The following GALNT13 variants were observed in gnomAD, a reference collection of about 807,000 sequenced individuals.
The protein encoded by GALNT13 is UDP-GalNAc:polypeptide N-acetylgalactosaminyltransferase 13.
Under a neutral mutation model 64.2 loss-of-function variants are expected in GALNT13, and 28 were observed. The observed-to-expected ratio is 0.44, with a 90% confidence interval of 0.32 to 0.60. The LOEUF is 0.60. Among genes scored for constraint, GALNT13 ranks in the 20% least tolerant of loss-of-function variants. The pLI is 0.05. For missense variants in GALNT13, 577 were observed against 669.8 expected (o/e 0.86, Z 1.53); for synonymous variants, 214 against 224.6 (o/e 0.95, Z 0.42).
the GALNT13 span, among the ~76,000 whole-genome samples, chr2:153,316,639 C>CAAAA: frequency 8.6e-5 from 6 of 69,840 alleles, no homozygotes; most frequent in Admixed American, 1.8e-4. Context: ...GACTCCGTCT[C>CAAAA]AAAAAAAAAA....
the GALNT13 span, among the ~76,000 whole-genome samples, chr2:153,384,837 A>G: frequency 6.6e-5 from 10 of 151,954 alleles, no homozygotes; most frequent in Non-Finnish European, 1.2e-4. Context: ...TAAATATACA[A>G]TTTAGGCACA....
At chr2:153,458,006 C>G in the GALNT13 span, among the ~76,000 whole-genome samples, 1 of 152,092 alleles carries the variant, frequency 6.6e-6, no homozygotes, top group African/African-American at 2.4e-5. Context: ...AAACATTGTT[C>G]AATTACAAAC....
At chr2:154,043,263 G>A (rs1363740467) in intron 3 of GALNT13, among the ~76,000 whole-genome samples, 2 of 151,528 alleles carry the variant, frequency 1.3e-5, no homozygotes, top group South Asian at 4.2e-4. Context: ...ATATCGGAAA[G>A]CAAAATGTAT....
At chr2:154,390,980 C>T in intron 9 of GALNT13, among the ~76,000 whole-genome samples, 1 of 152,214 alleles carries the variant, frequency 6.6e-6, no homozygotes, top group South Asian at 2.1e-4. Context: ...AGAAAAGTCC[C>T]TTGTACAGAG....
At chr2:153,528,195 T>C in the GALNT13 span, among the ~76,000 whole-genome samples, 3 of 151,596 alleles carry the variant, frequency 2.0e-5, no homozygotes, top group Non-Finnish European at 4.4e-5. Context: ...ACCTCATCTA[T>C]AAAAAACATA....
chr2:154,095,145 T>C lies in GALNT13; in HGVS notation c.143-45192T>C, dbSNP rs995609697. On this transcript the variant is annotated intron_variant, in intron 3 of 12. Transcript: ENST00000392825. ...AATTCCTACTGCAAATATCCATGGCTTAATAAATCTGGCATGTATTGTTCA... is the reference window on the plus strand; with the variant it reads ...AATTCCTACTGCAAATATCCATGGCCTAATAAATCTGGCATGTATTGTTCA... Among the ~76,000 whole-genome samples the C allele has an allele frequency of 5.9e-5, 9 of 152,024 alleles. No homozygotes were observed. The South Asian group carries it at 1.9e-3, about 32-fold the overall frequency.
the GALNT13 span, among the ~76,000 whole-genome samples, chr2:153,454,930 AT>A: frequency 2.0e-5 from 3 of 152,234 alleles, no homozygotes; most frequent in Non-Finnish European, 4.4e-5. Flanking sequence ...ATATGTATAT[AT>A]TTTTATATGT....
At chr2:153,191,841 G>T in the GALNT13 span, among the ~76,000 whole-genome samples, 1 of 151,668 alleles carries the variant, frequency 6.6e-6, no homozygotes, top group South Asian at 2.1e-4. Context: ...TTTCCAGTTT[G>T]TTAGTGTATA....
the GALNT13 span, among the ~76,000 whole-genome samples, chr2:153,232,669 A>C: frequency 0.83 from 126,328 of 152,202 alleles, 53,535 homozygotes; most frequent in African/African-American, 0.9. Context: ...GAAGGTAGTA[A>C]CTGAGGGGAC....
the GALNT13 span, among the ~76,000 whole-genome samples, chr2:153,348,352 A>C: frequency 6.6e-6 from 1 of 152,198 alleles, no homozygotes; most frequent in African/African-American, 2.4e-5. Flanking sequence ...AGGGAGATGC[A>C]GGGAAGTGGA....
At chr2:154,191,217 G>A (rs1008557889) in intron 4 of GALNT13, among the ~76,000 whole-genome samples, 5 of 152,144 alleles carry the variant, frequency 3.3e-5, no homozygotes, top group Non-Finnish European at 5.9e-5. Flanking sequence ...TTTATGCAAT[G>A]GGAAAAGTCA....
chr2:153,415,351 C>T, the GALNT13 span, among the ~76,000 whole-genome samples: 2 of 152,128 alleles, frequency 1.3e-5, no homozygotes, highest in Non-Finnish European at 1.5e-5. Flanking sequence ...GCCTGAACCA[C>T]GGTCACATAG....
At chr2:154,045,623 G>A (rs570774559) in intron 3 of GALNT13, among the ~76,000 whole-genome samples, 1 of 152,294 alleles carries the variant, frequency 6.6e-6, no homozygotes, top group African/African-American at 2.4e-5. Context: ...TGGGAGAAAA[G>A]CATGTCCTGT....
At chr2:154,168,959 G>A (rs1573797317) in intron 4 of GALNT13, among the ~76,000 whole-genome samples, 1 of 152,164 alleles carries the variant, frequency 6.6e-6, no homozygotes, top group Admixed American at 6.5e-5. Flanking sequence ...GCCTCAGGCT[G>A]CCTCTACTCA....
chr2:154,117,549 T>G (rs143460205), intron 3 of GALNT13, among the ~76,000 whole-genome samples: 1 of 152,338 alleles, frequency 6.6e-6, no homozygotes, highest in Admixed American at 6.5e-5. Flanking sequence ...GCTACTTCAC[T>G]CAGAATAAGT....
intron 9 of GALNT13, among the ~76,000 whole-genome samples, chr2:154,394,963 A>G (rs1287564624): frequency 6.6e-6 from 1 of 152,202 alleles, no homozygotes; most frequent in Admixed American, 6.5e-5. Context: ...GCTTTGGAAA[A>G]TAGTGGCTTG....
At chr2:153,597,548 G>GT in the GALNT13 span, among the ~76,000 whole-genome samples, 1 of 152,074 alleles carries the variant, frequency 6.6e-6, no homozygotes, top group Admixed American at 6.6e-5. Context: ...AAACAGAGGA[G>GT]TAAATCTTCA....
In GALNT13 at chr2:154,071,240, A is replaced by G. The variant is rs1700725968; in HGVS notation, c.143-69097A>G. The stretch of plus-strand genomic sequence containing the variant: ...TTTGCCAATATTTTATTCAATCCTG[A>G]AAACTAGCATAACTGACATCTATTT... On this transcript the variant is annotated intron_variant, in intron 3 of 12. Coordinates refer to ENST00000392825, the MANE Select transcript of GALNT13 (RefSeq NM_052917.4). 2.0e-5 allele frequency among the ~76,000 whole-genome samples: 3 copies of G among 152,296 alleles called. No homozygotes were observed. The South Asian group carries it at 6.2e-4, about 32-fold the overall frequency.
the GALNT13 span, among the ~76,000 whole-genome samples, chr2:153,330,928 C>T: frequency 6.6e-6 from 1 of 152,076 alleles, no homozygotes; most frequent in South Asian, 2.1e-4. Flanking sequence ...ATAGATGGCT[C>T]TTATTATTTT....
Sources: allele counts gnomAD v4.1 joint callset (sites outside exome capture counted in the v4.1 genomes callset), GRCh38; gene constraint gnomAD v4.1.1; transcripts MANE v1.5; gene names NCBI Gene and HGNC (gene_info 2026-07-23, HGNC 2026-07-21).